Variants in NRF1 observed in about 807,000 individuals in gnomAD.
The protein encoded by NRF1 is alpha palindromic-binding protein.
In NRF1, 5 loss-of-function variants were observed where a neutral mutation model predicts 58.5. That is an observed-to-expected ratio of 0.09 (90% CI 0.04 to 0.18). NRF1 has a LOEUF of 0.18. Among genes scored for constraint, NRF1 ranks in the 10% least tolerant of loss-of-function variants. The pLI, the probability that NRF1 is intolerant of heterozygous loss-of-function variation, is 1.00. For synonymous variants in NRF1, 224 were observed against 246.7 expected, an observed-to-expected ratio of 0.91 and a Z score of 0.86; for missense variants, 288 against 657.7, an observed-to-expected ratio of 0.44 and a Z score of 6.15.
intron 2 of NRF1, among the ~76,000 whole-genome samples, chr7:129,659,643 T>A (rs571765559): frequency 1.3e-5 from 2 of 152,320 alleles, no homozygotes; most frequent in Non-Finnish European, 2.9e-5. Context: ...TCTTCTGGAT[T>A]CCATTGCTGC....
chr7:129,686,928 GAAAA>G (rs1251967632), intron 4 of NRF1, among the ~76,000 whole-genome samples: 3 of 152,134 alleles, frequency 2.0e-5, no homozygotes, highest in African/African-American at 4.8e-5. Context: ...TATGAAGAAA[GAAAA>G]AACATTGATA....
intron 10 of NRF1, among the ~76,000 whole-genome samples, chr7:129,727,908 G>A (rs1803486792): frequency 6.6e-6 from 1 of 152,158 alleles, no homozygotes; most frequent in Non-Finnish European, 1.5e-5. Context: ...CCAATTACAT[G>A]CCCCTACCCT....
chr7:129,663,668 T>C (rs1029416552), intron 2 of NRF1, among the ~76,000 whole-genome samples: 3 of 149,274 alleles, frequency 2.0e-5, no homozygotes, highest in Non-Finnish European at 4.4e-5. Context: ...GAGGGGCTCC[T>C]CACATCCCAG....
intron 10 of NRF1, chr7:129,744,224 C>T: frequency 1.3e-6 from 2 of 1,548,094 alleles, no homozygotes; most frequent in East Asian, 4.9e-5. Flanking sequence ...ACTGACAAAG[C>T]CACAGGTGGG....
chr7:129,659,082 T>TTTTTTG, intron 2 of NRF1, among the ~76,000 whole-genome samples: 1 of 141,762 alleles, frequency 7.1e-6, no homozygotes, highest in Non-Finnish European at 1.5e-5. Context: ...ACTTTTTTTT[T>TTTTTTG]TTTTTTTTTT....
At chr7:129,643,155 T>TA (rs1315509629) in intron 1 of NRF1, among the ~76,000 whole-genome samples, 1 of 152,212 alleles carries the variant, frequency 6.6e-6, no homozygotes, top group Non-Finnish European at 1.5e-5. Flanking sequence ...GGCACTTAAA[T>TA]ACTTTCATAA....
At chr7:129,690,736 G>A (rs1482833311) in intron 5 of NRF1, among the ~76,000 whole-genome samples, 190 bp downstream of exon 5, 1 of 152,030 alleles carries the variant, frequency 6.6e-6, no homozygotes. Flanking sequence ...CCCAACCAAG[G>A]GCATGGCTGT....
chr7:129,627,997 G>GT (rs1159050745), intron 1 of NRF1, among the ~76,000 whole-genome samples: 1 of 127,930 alleles, frequency 7.8e-6, no homozygotes, highest in East Asian at 2.4e-4. Context: ...TATTATTTGT[G>GT]TTTTTTTCTC....
At chr7:129,676,642 A>G (rs1264914905) in intron 3 of NRF1, among the ~76,000 whole-genome samples, 6 of 152,156 alleles carry the variant, frequency 3.9e-5, no homozygotes, top group East Asian at 1.9e-4. Context: ...ACAGATCACT[A>G]TAACAGATTA....
intron 2 of NRF1, among the ~76,000 whole-genome samples, chr7:129,659,861 G>T (rs1383670279): frequency 6.6e-6 from 1 of 152,060 alleles, no homozygotes; most frequent in Admixed American, 6.5e-5. Context: ...TCATCTTTCT[G>T]TGTAGTTTCT....
intron 1 of NRF1, among the ~76,000 whole-genome samples, chr7:129,637,601 T>C (rs1801195624): frequency 6.6e-6 from 1 of 152,236 alleles, no homozygotes; most frequent in Admixed American, 6.5e-5. Flanking sequence ...TTTGAAATTA[T>C]TTTGTTTGTC....
intron 1 of NRF1, among the ~76,000 whole-genome samples, chr7:129,647,137 A>G (rs1053445520): frequency 5.3e-5 from 8 of 151,948 alleles, no homozygotes; most frequent in Non-Finnish European, 8.8e-5. Context: ...TCCCGGGTTC[A>G]AGCAATTCTC....
chr7:129,627,877 G>A (rs1450878763), intron 1 of NRF1, among the ~76,000 whole-genome samples: 1 of 151,988 alleles, frequency 6.6e-6, no homozygotes, highest in Non-Finnish European at 1.5e-5. Flanking sequence ...TGACAGCAGA[G>A]CTAAATAAAT....
chr7:129,618,385 C>T (rs1189857959), intron 1 of NRF1, among the ~76,000 whole-genome samples: 1 of 152,150 alleles, frequency 6.6e-6, no homozygotes, highest in Non-Finnish European at 1.5e-5. Context: ...TTGCATTCAT[C>T]AGTATAATGC....
At chr7:129,732,726 C>T (rs994909158) in intron 10 of NRF1, among the ~76,000 whole-genome samples, 2 of 152,042 alleles carry the variant, frequency 1.3e-5, no homozygotes, top group Non-Finnish European at 2.9e-5. Context: ...CCTCAGCCTC[C>T]CGAGTAGCTG....
chr7:129,686,101 CAA>C (rs540355035), intron 4 of NRF1, among the ~76,000 whole-genome samples: 31 of 57,726 alleles, frequency 5.4e-4, no homozygotes, highest in Middle Eastern at 9.4e-3. Flanking sequence ...GACTGTATCT[CAA>C]AAAAAAAAAA....
At chr7:129,705,987 A>G (rs563411221) in intron 5 of NRF1, among the ~76,000 whole-genome samples, 2 of 152,302 alleles carry the variant, frequency 1.3e-5, no homozygotes, top group South Asian at 2.1e-4. Flanking sequence ...TATATGTTCC[A>G]CAAAGAATGT....
In NRF1 at chr7:129,634,073, C is replaced by T. The variant is rs554553593; in HGVS notation, c.-7+22249C>T. Among the ~76,000 whole-genome samples, 376 of 148,600 alleles carry T rather than the reference C, an allele frequency of 2.5e-3. 1 individual carries two copies. The highest frequency in any genetic ancestry group is 4.5e-3 in the Non-Finnish European group (302 of 67,318). On this transcript the variant is annotated intron_variant, in intron 1 of 10. Transcript: ENST00000393232. Reference sequence around the variant, plus strand: ...ATATATATATATATACACACACACACACACACACACACTTTATTTTTTAGA... The same window carrying T: ...ATATATATATATATACACACACACATACACACACACACTTTATTTTTTAGA...
chr7:129,754,464 TAAAAA>T (rs57595268), intron 10 of NRF1, among the ~76,000 whole-genome samples: 7 of 51,210 alleles, frequency 1.4e-4, no homozygotes, highest in East Asian at 6.9e-4. Flanking sequence ...CCCTGTCTCT[TAAAAA>T]AAAAAAAAAA....
Sources: allele counts gnomAD v4.1 joint callset (sites outside exome capture counted in the v4.1 genomes callset), GRCh38; gene constraint gnomAD v4.1.1; transcripts MANE v1.5; gene names NCBI Gene and HGNC (gene_info 2026-07-23, HGNC 2026-07-21).